The following HS3ST4 variants were observed in gnomAD, a reference collection of about 807,000 sequenced individuals.
The protein encoded by HS3ST4 is heparan sulfate glucosamine 3-O-sulfotransferase 4.
HS3ST4 carries 17 observed loss-of-function variants against 29.2 expected under a neutral mutation model. That is an observed-to-expected ratio of 0.58 (90% CI 0.40 to 0.87). The LOEUF (loss-of-function observed/expected upper bound fraction) is 0.87. Ranked by LOEUF, HS3ST4 falls within the 40% of genes least tolerant of loss-of-function variation. HS3ST4 has a pLI of 0.00. For missense variants in HS3ST4, 627 were observed against 634.5 expected (o/e 0.99, Z 0.13); for synonymous variants, 314 against 285.7 (o/e 1.10, Z -1.00).
At chr16:25,708,372 G>A (rs571604285) in intron 1 of HS3ST4, among the ~76,000 whole-genome samples, 3 of 152,288 alleles carry the variant, frequency 2.0e-5, no homozygotes, top group East Asian at 1.9e-4. Context: ...GTGTAAAGCC[G>A]TGTTTAAAAC....
chr16:26,049,496 A>ATG, intron 1 of HS3ST4, among the ~76,000 whole-genome samples: 1 of 120,316 alleles, frequency 8.3e-6, no homozygotes, highest in African/African-American at 4.3e-5. Flanking sequence ...GTGTGTGTGT[A>ATG]TGTGTGTGTC....
chr16:25,831,705 A>G (rs748735955), intron 1 of HS3ST4, among the ~76,000 whole-genome samples: 1 of 152,220 alleles, frequency 6.6e-6, no homozygotes, highest in Non-Finnish European at 1.5e-5. Context: ...CATTGTTCTA[A>G]TGATGAAATC....
At chr16:26,001,962 A>G (rs1277299347) in intron 1 of HS3ST4, among the ~76,000 whole-genome samples, 1 of 152,146 alleles carries the variant, frequency 6.6e-6, no homozygotes, top group Non-Finnish European at 1.5e-5. Context: ...CTTGGTAACT[A>G]ATTGAACATG....
chr16:25,929,600 C>G (rs1403532183), intron 1 of HS3ST4, among the ~76,000 whole-genome samples: 1 of 152,068 alleles, frequency 6.6e-6, no homozygotes, highest in Non-Finnish European at 1.5e-5. Flanking sequence ...TCTGAGACCA[C>G]ACCTCTAAGG....
chr16:25,854,256 C>T (rs760416728), intron 1 of HS3ST4, among the ~76,000 whole-genome samples: 14 of 152,026 alleles, frequency 9.2e-5, no homozygotes, highest in Non-Finnish European at 1.8e-4. Context: ...TACCAACAAG[C>T]GTGGCTACTT....
intron 1 of HS3ST4, among the ~76,000 whole-genome samples, chr16:25,702,239 C>T (rs1391722499): frequency 1.3e-5 from 2 of 152,254 alleles, no homozygotes; most frequent in East Asian, 3.9e-4. Flanking sequence ...TACCAATCCT[C>T]CTATGAATCT....
intron 1 of HS3ST4, among the ~76,000 whole-genome samples, chr16:25,731,024 C>T (rs1311621812): frequency 2.0e-5 from 3 of 152,180 alleles, no homozygotes; most frequent in Non-Finnish European, 4.4e-5. Context: ...GGTGCCCTCC[C>T]CCAGCCAACT....
chr16:25,721,007 G>A (rs1022000297), intron 1 of HS3ST4, among the ~76,000 whole-genome samples: 15 of 152,324 alleles, frequency 9.8e-5, no homozygotes, highest in Admixed American at 2.6e-4. Context: ...GATGAGTTCT[G>A]TTAGCAAGAA....
intron 1 of HS3ST4, among the ~76,000 whole-genome samples, chr16:25,821,729 C>A (rs551582096): frequency 2.0e-4 from 30 of 152,150 alleles, no homozygotes; most frequent in Non-Finnish European, 3.4e-4. Flanking sequence ...GAGTTTGAGA[C>A]CAGCCTGGGC....
chr16:26,125,492 C>T (rs930921748), intron 1 of HS3ST4, among the ~76,000 whole-genome samples: 1 of 152,232 alleles, frequency 6.6e-6, no homozygotes, highest in African/African-American at 2.4e-5. Context: ...ACTCACGTCC[C>T]GCTGTATAGC....
chr16:25,842,205 TA>T (rs1967421956), intron 1 of HS3ST4, among the ~76,000 whole-genome samples: 1 of 152,252 alleles, frequency 6.6e-6, no homozygotes, highest in Non-Finnish European at 1.5e-5. Context: ...TAAGGAGTCT[TA>T]AAGCTTTAGC....
chr16:26,054,853 T>C (rs1276185597), intron 1 of HS3ST4, among the ~76,000 whole-genome samples: 1 of 152,030 alleles, frequency 6.6e-6, no homozygotes, highest in African/African-American at 2.4e-5. Flanking sequence ...GATGGATGTT[T>C]CTGACTGCTC....
chr16:25,715,539 A>G (rs1596551250), intron 1 of HS3ST4, among the ~76,000 whole-genome samples: 1 of 152,366 alleles, frequency 6.6e-6, no homozygotes, highest in Non-Finnish European at 1.5e-5. Context: ...ATAATACTCA[A>G]TGCTCCTTTC....
At chr16:25,750,728 C>G (rs891507348) in intron 1 of HS3ST4, among the ~76,000 whole-genome samples, 1 of 152,096 alleles carries the variant, frequency 6.6e-6, no homozygotes, top group Non-Finnish European at 1.5e-5. Context: ...CTGTGTGTGC[C>G]TGTGTGTGTG....
intron 1 of HS3ST4, among the ~76,000 whole-genome samples, chr16:25,910,179 C>G (rs1270137432): frequency 6.6e-6 from 1 of 152,178 alleles, no homozygotes; most frequent in Non-Finnish European, 1.5e-5. Context: ...ATGTATTTTG[C>G]ACAGGGCTTA....
chr16:25,773,738 A>C (rs1966844975), intron 1 of HS3ST4, among the ~76,000 whole-genome samples: 1 of 152,196 alleles, frequency 6.6e-6, no homozygotes, highest in Non-Finnish European at 1.5e-5. Context: ...CTTTCCATGT[A>C]CTTGTCACAG....
chr16:25,764,744 T>C (rs1283297348), intron 1 of HS3ST4, among the ~76,000 whole-genome samples: 6 of 152,114 alleles, frequency 3.9e-5, no homozygotes, highest in African/African-American at 1.4e-4. Flanking sequence ...TAACCATGAG[T>C]GGTGAATGCT....
At chr16:25,947,136 G>T (rs536636265) in intron 1 of HS3ST4, among the ~76,000 whole-genome samples, 1 of 152,064 alleles carries the variant, frequency 6.6e-6, no homozygotes, top group Admixed American at 6.6e-5. Context: ...GGCTCTGATC[G>T]CAATGTGGAA....
chr16:26,092,994 A>T (rs1305112349), intron 1 of HS3ST4, among the ~76,000 whole-genome samples: 1 of 152,180 alleles, frequency 6.6e-6, no homozygotes, highest in African/African-American at 2.4e-5. Context: ...CTGCTAGCAC[A>T]GCAGTCTGAG....
Sources: gnomAD v4.1 joint callset for allele counts (sites outside exome capture counted in the v4.1 genomes callset) on GRCh38, gnomAD v4.1.1 for gene constraint, MANE v1.5 for transcripts, NCBI Gene and HGNC (gene_info 2026-07-23, HGNC 2026-07-21) for gene names.